MAST2: variants seen among roughly 807,000 people sequenced by gnomAD.
MAST2 encodes microtubule associated serine/threonine kinase 2.
A neutral mutation model predicts 147.4 loss-of-function variants in MAST2; 70 were observed. The ratio of observed to expected loss-of-function variants is 0.47; its 90% CI spans 0.39 to 0.58. MAST2 has a LOEUF of 0.58. Among genes scored for constraint, MAST2 ranks in the 20% least tolerant of loss-of-function variants. The probability of loss-of-function intolerance (pLI) is 0.00; values close to 1 mark genes in which losing one functional copy is unlikely to be tolerated. For synonymous variants in MAST2, 869 were observed against 896.8 expected (o/e 0.97, Z 0.55); for missense variants, 2,080 against 2,302.3 (o/e 0.90, Z 1.98).
intron 1 of MAST2, among the ~76,000 whole-genome samples, chr1:45,817,370 C>T (rs531783254): frequency 1.3e-5 from 2 of 152,258 alleles, no homozygotes; most frequent in African/African-American, 4.8e-5. Context: ...TTCAATATGT[C>T]TGGGACCAGA....
intron 3 of MAST2, among the ~76,000 whole-genome samples, chr1:45,832,810 T>C (rs1285197933): frequency 6.6e-6 from 1 of 152,194 alleles, no homozygotes; most frequent in Non-Finnish European, 1.5e-5. Flanking sequence ...ACATATGATA[T>C]AATTCACCCA....
intron 3 of MAST2, among the ~76,000 whole-genome samples, chr1:45,876,881 T>A (rs1278233011): frequency 2.0e-5 from 3 of 152,182 alleles, no homozygotes; most frequent in Admixed American, 1.3e-4. Flanking sequence ...TTTTAGGAAA[T>A]TTTATTATTG....
intron 3 of MAST2, among the ~76,000 whole-genome samples, chr1:45,831,295 C>T (rs908609779): frequency 1.3e-5 from 2 of 151,750 alleles, no homozygotes; most frequent in African/African-American, 4.8e-5. Context: ...ATTAAAGTCT[C>T]ATCTACACTT....
chr1:45,972,828 C>T (rs1643971256), intron 5 of MAST2, among the ~76,000 whole-genome samples: 1 of 152,172 alleles, frequency 6.6e-6, no homozygotes, highest in African/African-American at 2.4e-5. Context: ...GTTCTCTAAA[C>T]ATTCTTTCTT....
At chr1:45,856,787 G>C (rs1645803957) in intron 3 of MAST2, among the ~76,000 whole-genome samples, 1 of 144,576 alleles carries the variant, frequency 6.9e-6, no homozygotes, top group South Asian at 2.2e-4. Context: ...CTTTAGATCT[G>C]TTTTTTTTTT....
At chr1:45,934,768 A>G (rs1557930133) in intron 4 of MAST2, among the ~76,000 whole-genome samples, 1 of 152,134 alleles carries the variant, frequency 6.6e-6, no homozygotes, top group Non-Finnish European at 1.5e-5. Flanking sequence ...TGGTATGTGT[A>G]TATGTACCAT....
chr1:45,871,171 ATAT>A (rs1646376695), intron 3 of MAST2, among the ~76,000 whole-genome samples: 1 of 149,052 alleles, frequency 6.7e-6, no homozygotes, highest in Non-Finnish European at 1.5e-5. Flanking sequence ...TGTTTGTGCC[ATAT>A]TATTTTTTGT....
At chr1:46,032,796 G>C in intron 26 of MAST2, 78 bp downstream of exon 26, 2 of 1,498,618 alleles carry the variant, frequency 1.3e-6, no homozygotes, top group Non-Finnish European at 1.8e-6. Context: ...TAGGGGAGTG[G>C]GTGAGTTGGG....
At chr1:45,895,271 A>G (rs1284565278) in intron 4 of MAST2, among the ~76,000 whole-genome samples, 3 of 152,078 alleles carry the variant, frequency 2.0e-5, no homozygotes, top group African/African-American at 7.2e-5. Flanking sequence ...TTTGGATATT[A>G]TGAATAAAGC....
intron 5 of MAST2, among the ~76,000 whole-genome samples, chr1:45,995,094 C>T (rs7534331): frequency 0.34 from 51,452 of 152,002 alleles, 9,099 homozygotes; most frequent in African/African-American, 0.43. Flanking sequence ...CCCACCTCAG[C>T]CTCCCAAAGT....
chr1:45,959,983 C>G (rs576338747), intron 5 of MAST2, among the ~76,000 whole-genome samples: 3 of 152,282 alleles, frequency 2.0e-5, no homozygotes, highest in African/African-American at 7.2e-5. Flanking sequence ...GTTGCCCAGG[C>G]TGGTCTTGAA....
At chr1:46,000,911 T>C (rs1351390314) in intron 6 of MAST2, 1 of 1,262,896 alleles carries the variant, frequency 7.9e-7, no homozygotes, top group Admixed American at 2.3e-5. Flanking sequence ...AAGATCACTC[T>C]CTCTGGTTCC....
intron 8 of MAST2, among the ~76,000 whole-genome samples, chr1:46,007,697 T>G (rs1344053543): frequency 6.6e-6 from 1 of 152,110 alleles, no homozygotes. Context: ...GGAGATACAA[T>G]GACACATGAG....
chr1:45,805,301 G>T (rs967440051), intron 1 of MAST2, among the ~76,000 whole-genome samples: 1 of 151,596 alleles, frequency 6.6e-6, no homozygotes, highest in African/African-American at 2.4e-5. Flanking sequence ...CGGGATTACA[G>T]GCATGAGCCA....
intron 4 of MAST2, among the ~76,000 whole-genome samples, chr1:45,948,425 G>T (rs754333174): frequency 6.6e-6 from 1 of 151,818 alleles, no homozygotes; most frequent in East Asian, 1.9e-4. Flanking sequence ...ATATGGAACC[G>T]GGCCGGGTGC....
chr1:45,894,501 A>C (rs1054059893), intron 4 of MAST2, among the ~76,000 whole-genome samples: 24 of 152,342 alleles, frequency 1.6e-4, no homozygotes, highest in African/African-American at 5.8e-4. Context: ...TAAAGCACAG[A>C]AAATTTTTCT....
intron 3 of MAST2, chr1:45,847,367 T>A (rs939186183): frequency 7.9e-6 from 4 of 504,830 alleles, no homozygotes; most frequent in African/African-American, 2.0e-5. Flanking sequence ...TTAATTTAAG[T>A]ACCTTTCAGT....
chr1:45,827,324 CTGTT>C (rs1157158868), intron 2 of MAST2, among the ~76,000 whole-genome samples: 3 of 152,010 alleles, frequency 2.0e-5, no homozygotes, highest in Non-Finnish European at 2.9e-5. Flanking sequence ...GCTTGTTATT[CTGTT>C]TGTTTATGTT....
chr1:46,012,947 G>A (rs754520474), intron 10 of MAST2, among the ~76,000 whole-genome samples: 41 of 152,006 alleles, frequency 2.7e-4, no homozygotes, highest in Non-Finnish European at 5.1e-4. Context: ...TGCTACAAAT[G>A]ACCAGCTGGC....
Sources: allele counts gnomAD v4.1 joint callset (sites outside exome capture counted in the v4.1 genomes callset), GRCh38; gene constraint gnomAD v4.1.1; transcripts MANE v1.5; gene names NCBI Gene and HGNC (gene_info 2026-07-23, HGNC 2026-07-21).